GLB1: variants seen among roughly 807,000 people sequenced by gnomAD.
GLB1 encodes galactosidase beta 1.
GLB1 carries 56 observed loss-of-function variants against 74.0 expected under a neutral mutation model. The observed-to-expected ratio is 0.76, with a 90% CI of 0.61 to 0.94. GLB1 has a LOEUF of 0.94. GLB1 is among the 40% of genes least tolerant of loss of function. The pLI is 0.00. For synonymous variants in GLB1, 323 were observed against 323.6 expected, an observed-to-expected ratio of 1.00 and a Z score of 0.02; for missense variants, 787 against 845.5, an observed-to-expected ratio of 0.93 and a Z score of 0.86.
At chr3:32,976,514 G>A in the GLB1 span, among the ~76,000 whole-genome samples, 1 of 152,138 alleles carries the variant, frequency 6.6e-6, no homozygotes, top group African/African-American at 2.4e-5. Flanking sequence ...ACGTGGCCCC[G>A]AAGCCTTATT....
intron 10 of GLB1, among the ~76,000 whole-genome samples, chr3:33,041,081 T>C (rs6770268): frequency 0.69 from 104,549 of 151,954 alleles, 36,769 homozygotes; most frequent in Middle Eastern, 0.83. Context: ...CTAATAGAAA[T>C]AAATATTTGA....
Position 33,051,492 on chromosome 3 carries a change from G to C in GLB1, c.955+266C>G, listed in dbSNP as rs556745858. On this transcript the variant is annotated intron_variant, in intron 9 of 15. Coordinates refer to ENST00000307363, the MANE Select transcript of GLB1 (RefSeq NM_000404.4). ...GCATGCCTGTAATCCCATAATCCCA[G>C]CTACTTGGAGGCTGAGGCAGGAGGA... Among the ~76,000 whole-genome samples the C allele has an allele frequency of 1.3e-4, 19 of 150,450 alleles. No homozygotes were observed. In the South Asian group the frequency reaches 3.6e-3, roughly 28 times the overall value.
At chr3:32,967,741 G>A in the GLB1 span, among the ~76,000 whole-genome samples, 9 of 152,268 alleles carry the variant, frequency 5.9e-5, no homozygotes, top group Non-Finnish European at 7.3e-5. Flanking sequence ...CTTTGTCTGC[G>A]GGACTAGAGC....
intron 10 of GLB1, among the ~76,000 whole-genome samples, chr3:33,026,779 T>C (rs1175970521): frequency 6.6e-6 from 1 of 152,014 alleles, no homozygotes; most frequent in Non-Finnish European, 1.5e-5. Flanking sequence ...TGGGACAATC[T>C]ACCCACAGAG....
chr3:33,079,815 T>C (rs1700260525), intron 1 of GLB1, among the ~76,000 whole-genome samples: 1 of 152,188 alleles, frequency 6.6e-6, no homozygotes, highest in South Asian at 2.1e-4. Context: ...TCTTTCTTGC[T>C]CAGTTGCTCT....
rs565743324 is a variant in GLB1, at chr3:33,039,420, A to T, written c.1068+6700T>A. ...ACAACAAAAGAAGATGAGGAATTTC[A>T]GCAGAGAACTGGAAACAATTTTTAA... On this transcript the variant is annotated intron_variant, in intron 10 of 15. Transcript: ENST00000307363. 4.6e-5 allele frequency among the ~76,000 whole-genome samples: 7 copies of T among 152,352 alleles called. No individual in the cohort carries two copies. In the South Asian group the frequency reaches 1.5e-3, roughly 32 times the overall value.
intron 15 of GLB1, 120 bp from the exon 16 acceptor site, chr3:32,997,464 C>T (rs986720026): frequency 1.7e-5 from 25 of 1,494,578 alleles, no homozygotes; most frequent in African/African-American, 4.2e-5. Context: ...CCCAGAAAGG[C>T]GAGGCTGACA....
At chr3:33,083,153 T>C (rs997700021) in intron 1 of GLB1, among the ~76,000 whole-genome samples, 1 of 151,866 alleles carries the variant, frequency 6.6e-6, no homozygotes. Flanking sequence ...ATCCCAGCAC[T>C]TTGGGAGGCC....
chr3:33,095,722 A>C (rs1700996772), intron 1 of GLB1, among the ~76,000 whole-genome samples: 1 of 151,282 alleles, frequency 6.6e-6, no homozygotes, highest in African/African-American at 2.4e-5. Flanking sequence ...CCCTACCCCC[A>C]CTCCCAGATA....
the GLB1 span, among the ~76,000 whole-genome samples, chr3:32,977,176 T>C: frequency 6.6e-6 from 1 of 151,520 alleles, no homozygotes; most frequent in Non-Finnish European, 1.5e-5. Context: ...TCACAGAAAT[T>C]GTGGAAGGTT....
At position 33,053,473 on chromosome 3, in the gene GLB1, C is replaced by G. The variant is rs202068250; in HGVS notation, c.792+18G>C. 2 of 1,614,068 alleles carry G rather than the reference C, an allele frequency of 1.2e-6. No individual in the cohort carries two copies. The highest frequency in any genetic ancestry group is 1.7e-5 in the Admixed American group (1 of 60,000). On this transcript the variant is annotated intron_variant, in intron 7 of 15. Coordinates refer to ENST00000307363, the MANE Select transcript of GLB1 (RefSeq NM_000404.4). Reference sequence around the variant, plus strand: ...TCTCTTAACAGCTGCAAACACACACCTCACCCTCGATTCTTACCAAGGGTC... The same window carrying G: ...TCTCTTAACAGCTGCAAACACACACGTCACCCTCGATTCTTACCAAGGGTC...
intron 5 of GLB1, chr3:33,061,736 G>T (rs1443606248): frequency 6.6e-6 from 1 of 152,208 alleles, no homozygotes; most frequent in Non-Finnish European, 1.5e-5. Context: ...ATGAAGTTAA[G>T]TTGTGGGTGG....
In GLB1 at chr3:33,053,729, T is replaced by C. The variant is rs368019185; in HGVS notation, c.734-180A>G. Among the ~76,000 whole-genome samples the C allele has an allele frequency of 1.4e-3, 212 of 152,364 alleles. 2 individuals are homozygous for C. The South Asian group carries it at 0.04, about 29-fold the overall frequency. ...TGATAGTATTAACAGGTGAGGCCAC[T>C]GGAAGTGATTAAGTCATAAGGGCTC... On this transcript the variant is annotated intron_variant, in intron 6 of 15. Transcript: ENST00000307363.
chr3:33,024,273 T>A lies in GLB1; in HGVS notation c.1121A>T (p.Tyr374Phe). Residue 374 changes from tyrosine (Y) to phenylalanine (F), a missense_variant, in exon 11 of 16, where the codon TAT becomes TTT. Transcript: ENST00000307363. ...TACCTTTTCCAAAGTGACCTTTCCA[T>A]ATGCAAACTTTGGTGTAGATGGAGG... ...PIPPSTPKFA[Y>F]GKVTLEKLKT... 2.5e-6 allele frequency: 4 copies of A among 1,613,250 alleles called. No homozygotes were observed. The highest frequency in any genetic ancestry group is 3.4e-6 in the Non-Finnish European group (4 of 1,179,928).
intron 1 of GLB1, among the ~76,000 whole-genome samples, chr3:33,076,503 G>C (rs1165675303): frequency 2.0e-5 from 3 of 151,952 alleles, no homozygotes; most frequent in African/African-American, 7.3e-5. Context: ...AGGCAGAAGA[G>C]ATGTGGCTAT....
At chr3:33,049,641 C>T (rs1257325017) in intron 9 of GLB1, among the ~76,000 whole-genome samples, 1 of 152,126 alleles carries the variant, frequency 6.6e-6, no homozygotes, top group African/African-American at 2.4e-5. Flanking sequence ...TGGTCTCAAA[C>T]TCCTGACCTC....
At chr3:33,071,000 C>A (rs1436813128) in intron 2 of GLB1, among the ~76,000 whole-genome samples, 1 of 152,072 alleles carries the variant, frequency 6.6e-6, no homozygotes, top group Non-Finnish European at 1.5e-5. Context: ...AGCCCTAGAT[C>A]CTCTGACAAA....
chr3:33,044,251 A>G (rs1476165705), intron 10 of GLB1, among the ~76,000 whole-genome samples: 1 of 152,230 alleles, frequency 6.6e-6, no homozygotes, highest in East Asian at 1.9e-4. Flanking sequence ...CAGAATGCAA[A>G]AAGACTAGAA....
At chr3:32,993,020 C>T (rs1696252455), downstream of GLB1, among the ~76,000 whole-genome samples, 1 of 152,216 alleles carries the variant, frequency 6.6e-6, no homozygotes, top group Non-Finnish European at 1.5e-5. Context: ...TGGTCCACAC[C>T]AGCTGTGTGT....
Sources: allele counts gnomAD v4.1 joint callset (sites outside exome capture counted in the v4.1 genomes callset), GRCh38; gene constraint gnomAD v4.1.1; transcripts MANE v1.5; gene names NCBI Gene and HGNC (gene_info 2026-07-23, HGNC 2026-07-21).